COMMD10: variants seen among roughly 807,000 people sequenced by gnomAD.
The protein encoded by COMMD10 is COMM domain containing 10, also known as COMM domain-containing protein 10.
A neutral mutation model predicts 28.9 loss-of-function variants in COMMD10; 33 were observed. That is an observed-to-expected ratio of 1.14 (90% confidence interval 0.87 to 1.53). The LOEUF is 1.53. COMMD10 is among the 40% of genes most tolerant of loss of function. The pLI, the probability that COMMD10 is intolerant of heterozygous loss-of-function variation, is 0.00. For missense variants in COMMD10, 310 were observed against 233.4 expected, an observed-to-expected ratio of 1.33 and a Z score of -2.14; for synonymous variants, 110 against 81.7, an observed-to-expected ratio of 1.35 and a Z score of -1.87.
At chr5:116,199,630 T>C (rs1007839118) in intron 5 of COMMD10, among the ~76,000 whole-genome samples, 3 of 152,212 alleles carry the variant, frequency 2.0e-5, no homozygotes, top group Non-Finnish European at 2.9e-5. Context: ...GCTCCCTCTT[T>C]ATGTAGATCT....
intron 4 of COMMD10, among the ~76,000 whole-genome samples, chr5:116,118,256 A>T (rs904300206): frequency 2.0e-5 from 3 of 151,944 alleles, no homozygotes. Flanking sequence ...TCTCCATAAT[A>T]TTTATTTTTT....
intron 5 of COMMD10, among the ~76,000 whole-genome samples, chr5:116,136,605 A>G (rs1206391963): frequency 1.3e-5 from 2 of 152,182 alleles, no homozygotes. Context: ...GGCAGTAGGA[A>G]TAAAAGAGTA....
intron 4 of COMMD10, among the ~76,000 whole-genome samples, chr5:116,108,685 G>T (rs1163993361): frequency 1.3e-5 from 2 of 152,166 alleles, no homozygotes; most frequent in East Asian, 3.9e-4. Context: ...CCCCTTTCCA[G>T]GAGAGTGAAC....
At chr5:116,247,291 G>T (rs1454816627) in intron 5 of COMMD10, among the ~76,000 whole-genome samples, 1 of 151,242 alleles carries the variant, frequency 6.6e-6, no homozygotes, top group Non-Finnish European at 1.5e-5. Flanking sequence ...CAGTCAGAAA[G>T]GTTATTATTA....
At chr5:116,103,174 G>A (rs1306771207) in intron 4 of COMMD10, among the ~76,000 whole-genome samples, 1 of 152,008 alleles carries the variant, frequency 6.6e-6, no homozygotes, top group Non-Finnish European at 1.5e-5. Flanking sequence ...TAATCCTTTG[G>A]GTATATACCC....
chr5:116,194,028 G>A (rs1402315591), intron 5 of COMMD10, among the ~76,000 whole-genome samples: 1 of 152,084 alleles, frequency 6.6e-6, no homozygotes, highest in Admixed American at 6.6e-5. Flanking sequence ...TCAAAACCAT[G>A]CAAATACATG....
chr5:116,278,780 G>A (rs1350111862), intron 5 of COMMD10, among the ~76,000 whole-genome samples: 1 of 151,780 alleles, frequency 6.6e-6, no homozygotes, highest in Admixed American at 6.6e-5. Context: ...GGACCTTCAA[G>A]TGTGAGGTGC....
At chr5:116,217,297 G>A (rs1425294410) in intron 5 of COMMD10, among the ~76,000 whole-genome samples, 1 of 151,822 alleles carries the variant, frequency 6.6e-6, no homozygotes, top group Non-Finnish European at 1.5e-5. Context: ...GTCATTAACA[G>A]TACACAACAA....
chr5:116,209,996 A>C (rs1174862566), intron 5 of COMMD10, among the ~76,000 whole-genome samples: 1 of 152,192 alleles, frequency 6.6e-6, no homozygotes, highest in Non-Finnish European at 1.5e-5. Context: ...GGCATCTGGT[A>C]AGGGCCTTCT....
At chr5:116,272,438 T>G (rs1163170867) in intron 5 of COMMD10, among the ~76,000 whole-genome samples, 1 of 151,886 alleles carries the variant, frequency 6.6e-6, no homozygotes, top group Non-Finnish European at 1.5e-5. Flanking sequence ...TGCCAAAGTT[T>G]TGGCTAATGC....
intron 5 of COMMD10, among the ~76,000 whole-genome samples, chr5:116,180,766 C>T (rs1024285911): frequency 3.3e-5 from 5 of 151,872 alleles, no homozygotes; most frequent in South Asian, 2.1e-4. Context: ...TTAGGGGGAT[C>T]GCATATATTG....
chr5:116,286,532 C>G (rs1751222594), intron 5 of COMMD10, among the ~76,000 whole-genome samples: 1 of 151,450 alleles, frequency 6.6e-6, no homozygotes, highest in Admixed American at 6.6e-5. Context: ...TAGTTTCACT[C>G]CATCCCAAAA....
intron 5 of COMMD10, among the ~76,000 whole-genome samples, chr5:116,148,813 C>T (rs1356655744): frequency 2.0e-5 from 3 of 151,494 alleles, no homozygotes; most frequent in African/African-American, 7.3e-5. Context: ...TTTAAAATTA[C>T]ATATATTATG....
chr5:116,126,069 C>T (rs1580467137), intron 4 of COMMD10, among the ~76,000 whole-genome samples: 1 of 152,146 alleles, frequency 6.6e-6, no homozygotes, highest in African/African-American at 2.4e-5. Flanking sequence ...TGATAAGCAA[C>T]TTCAGCAAAG....
chr5:116,225,044 C>T (rs142330632), intron 5 of COMMD10, among the ~76,000 whole-genome samples: 1,915 of 152,200 alleles, frequency 0.013, 30 homozygotes, highest in Non-Finnish European at 0.021. Flanking sequence ...ACCCATAATG[C>T]AGTTGTACTG....
At chr5:116,178,505 C>G (rs967975777) in intron 5 of COMMD10, among the ~76,000 whole-genome samples, 1 of 152,044 alleles carries the variant, frequency 6.6e-6, no homozygotes, top group Non-Finnish European at 1.5e-5. Flanking sequence ...AAAAATGTAT[C>G]TTGGGTATGC....
intron 5 of COMMD10, among the ~76,000 whole-genome samples, chr5:116,199,974 T>C (rs1376373091): frequency 1.3e-5 from 2 of 152,160 alleles, no homozygotes; most frequent in East Asian, 3.8e-4. Flanking sequence ...CTACTCTTTT[T>C]GTATTTTCAA....
At chr5:116,208,054 G>A (rs944166169) in intron 5 of COMMD10, among the ~76,000 whole-genome samples, 3 of 152,206 alleles carry the variant, frequency 2.0e-5, no homozygotes, top group Admixed American at 2.0e-4. Context: ...TGGTTGTACT[G>A]CTTACTAGAA....
chr5:116,248,133 C>CAAA (rs35046766), intron 5 of COMMD10, among the ~76,000 whole-genome samples: 1 of 145,328 alleles, frequency 6.9e-6, no homozygotes, highest in Non-Finnish European at 1.5e-5. Context: ...TGTGCTAAGC[C>CAAA]AAAAAAAAAA....
Sources: allele counts gnomAD v4.1 joint callset (sites outside exome capture counted in the v4.1 genomes callset), GRCh38; gene constraint gnomAD v4.1.1; transcripts MANE v1.5; gene names NCBI Gene and HGNC (gene_info 2026-07-23, HGNC 2026-07-21).